The following CDH12 variants were observed in gnomAD, a reference collection of about 807,000 sequenced individuals.
CDH12 encodes the protein cadherin-12.
A neutral mutation model predicts 74.1 loss-of-function variants in CDH12; 41 were observed. That is an observed-to-expected ratio of 0.55 (90% CI 0.43 to 0.72). The LOEUF is 0.72. CDH12 is among the 30% of genes least tolerant of loss of function. CDH12 has a pLI of 0.00. For synonymous variants in CDH12, 399 were observed against 355.0 expected (o/e 1.12, Z -1.39); for missense variants, 945 against 977.2 (o/e 0.97, Z 0.44).
chr5:22,817,245 T>C (rs1457309697), intron 1 of CDH12, among the ~76,000 whole-genome samples: 2 of 152,146 alleles, frequency 1.3e-5, no homozygotes, highest in African/African-American at 2.4e-5. Context: ...ATATACAATG[T>C]AGAAAATTTG....
chr5:22,597,446 T>C (rs1024700417), intron 1 of CDH12, among the ~76,000 whole-genome samples: 2 of 152,178 alleles, frequency 1.3e-5, no homozygotes, highest in East Asian at 1.9e-4. Context: ...CTAACTCCAC[T>C]GCATACCTTA....
intron 5 of CDH12, among the ~76,000 whole-genome samples, chr5:22,018,777 G>A (rs540852564): frequency 1.4e-4 from 22 of 151,992 alleles, no homozygotes; most frequent in African/African-American, 4.6e-4. Context: ...CAGGTGTTAC[G>A]TTCAGAAATG....
intron 1 of CDH12, among the ~76,000 whole-genome samples, chr5:22,845,502 T>C (rs1249915317): frequency 1.3e-5 from 2 of 152,178 alleles, no homozygotes; most frequent in Non-Finnish European, 2.9e-5. Context: ...AGGGCTGCTA[T>C]GTGCCCTCTA....
intron 3 of CDH12, among the ~76,000 whole-genome samples, chr5:22,306,582 G>A (rs1738125007): frequency 6.6e-6 from 1 of 152,016 alleles, no homozygotes; most frequent in South Asian, 2.1e-4. Flanking sequence ...TGTAGCTAAT[G>A]ATACATTACA....
At chr5:22,239,245 G>A (rs901616907) in intron 3 of CDH12, among the ~76,000 whole-genome samples, 2 of 152,194 alleles carry the variant, frequency 1.3e-5, no homozygotes, top group South Asian at 4.1e-4. Context: ...GAAACTCCAG[G>A]GAAATTTCCC....
intron 1 of CDH12, among the ~76,000 whole-genome samples, chr5:22,740,617 C>A (rs1421351290): frequency 6.6e-6 from 1 of 151,848 alleles, no homozygotes; most frequent in African/African-American, 2.4e-5. Flanking sequence ...ATTTTTAGGA[C>A]TGATATATTT....
At chr5:22,322,089 A>G (rs565904695) in intron 3 of CDH12, among the ~76,000 whole-genome samples, 1 of 152,326 alleles carries the variant, frequency 6.6e-6, no homozygotes, top group East Asian at 1.9e-4. Flanking sequence ...GTAACCACAC[A>G]TTCAGTATTC....
intron 1 of CDH12, among the ~76,000 whole-genome samples, chr5:22,803,534 T>C (rs1182839418): frequency 6.6e-6 from 1 of 152,204 alleles, no homozygotes; most frequent in African/African-American, 2.4e-5. Flanking sequence ...GGTGCTTAAC[T>C]GTTGGGAGCT....
At chr5:22,779,748 T>C (rs1263299938) in intron 1 of CDH12, among the ~76,000 whole-genome samples, 3 of 152,128 alleles carry the variant, frequency 2.0e-5, no homozygotes, top group Admixed American at 6.6e-5. Context: ...TGTTTTCTCT[T>C]GAGCCATGAT....
intron 2 of CDH12, among the ~76,000 whole-genome samples, chr5:22,472,626 C>CA (rs897781292): frequency 2.0e-4 from 30 of 151,156 alleles, no homozygotes; most frequent in African/African-American, 5.3e-4. Flanking sequence ...TTTTTTCTCT[C>CA]AAAAAAAAAT....
At chr5:22,343,349 G>C (rs968752362) in intron 3 of CDH12, among the ~76,000 whole-genome samples, 4 of 148,592 alleles carry the variant, frequency 2.7e-5, no homozygotes, top group Non-Finnish European at 4.5e-5. Context: ...GAGAGAGAGA[G>C]AGAGAGAGAG....
chr5:21,950,107 A>G (rs1433495187), intron 6 of CDH12, among the ~76,000 whole-genome samples: 1 of 152,068 alleles, frequency 6.6e-6, no homozygotes, highest in African/African-American at 2.4e-5. Context: ...TTATGTTTAG[A>G]TACACAAATA....
chr5:22,430,079 C>G (rs2126518125), intron 2 of CDH12, among the ~76,000 whole-genome samples: 1 of 152,156 alleles, frequency 6.6e-6, no homozygotes, highest in South Asian at 2.1e-4. Flanking sequence ...TATATACCCC[C>G]TAAGATACTT....
chr5:22,407,124 T>C (rs1393317599), intron 2 of CDH12, among the ~76,000 whole-genome samples: 1 of 152,058 alleles, frequency 6.6e-6, no homozygotes, highest in African/African-American at 2.4e-5. Flanking sequence ...TGTACATCAA[T>C]GTACACATTA....
intron 1 of CDH12, among the ~76,000 whole-genome samples, chr5:22,529,176 T>G (rs1201687470): frequency 0.01 from 831 of 80,214 alleles, 14 homozygotes; most frequent in African/African-American, 0.037. Flanking sequence ...TATATATATA[T>G]ATATATATAT....
In CDH12 at chr5:22,066,633, C is replaced by T. The variant is rs769636010; in HGVS notation, c.231+11813G>A. Among the ~76,000 whole-genome samples the T allele has an allele frequency of 6.6e-5, 10 of 152,078 alleles. No homozygotes were observed. The East Asian group carries it at 9.6e-4, about 15-fold the overall frequency. On this transcript the variant is annotated intron_variant, in intron 5 of 14. Coordinates refer to ENST00000382254, the MANE Select transcript of CDH12 (RefSeq NM_004061.5). ...AAGATTCCCCACACTGGTTCCCTGA[C>T]GTGGAAGTGAGGACTGTAATTGAGG...
At chr5:21,996,282 C>T (rs1334652106) in intron 5 of CDH12, among the ~76,000 whole-genome samples, 1 of 152,084 alleles carries the variant, frequency 6.6e-6, no homozygotes, top group East Asian at 1.9e-4. Context: ...CCATAGGTAG[C>T]TCCTAAACCA....
chr5:22,315,456 A>G (rs1738592343), intron 3 of CDH12, among the ~76,000 whole-genome samples: 1 of 152,102 alleles, frequency 6.6e-6, no homozygotes, highest in Non-Finnish European at 1.5e-5. Context: ...TGGAGCTTAT[A>G]TAGATTGGAA....
intron 3 of CDH12, among the ~76,000 whole-genome samples, chr5:22,230,394 C>T (rs1752339518): frequency 6.6e-6 from 1 of 151,918 alleles, no homozygotes; most frequent in South Asian, 2.1e-4. Flanking sequence ...CTCACCACTG[C>T]CATTCACAAC....
Sources: allele counts gnomAD v4.1 joint callset (sites outside exome capture counted in the v4.1 genomes callset), GRCh38; gene constraint gnomAD v4.1.1; transcripts MANE v1.5; gene names NCBI Gene and HGNC (gene_info 2026-07-23, HGNC 2026-07-21).